TANGO6: variants seen among roughly 807,000 people sequenced by gnomAD.
TANGO6 encodes transport and golgi organization 6 homolog.
In TANGO6, 90 loss-of-function variants were observed where a neutral mutation model predicts 114.2. The observed-to-expected ratio is 0.79, with a 90% CI of 0.66 to 0.94. The LOEUF (loss-of-function observed/expected upper bound fraction) is 0.94. Among genes scored for constraint, TANGO6 ranks in the 40% least tolerant of loss-of-function variants. The pLI is 0.00. For missense variants in TANGO6, 1,274 were observed against 1,315.3 expected (o/e 0.97, Z 0.49); for synonymous variants, 477 against 509.8 (o/e 0.94, Z 0.87).
chr16:68,965,848 A>G (rs1169136439), intron 14 of TANGO6, among the ~76,000 whole-genome samples: 1 of 151,914 alleles, frequency 6.6e-6, no homozygotes, highest in Admixed American at 6.6e-5. Flanking sequence ...ATAAAAACCT[A>G]AAAGGGCAGA....
chr16:69,084,019 C>T lies in TANGO6; in HGVS notation c.*358C>T, dbSNP rs1454246107. On this transcript the variant is annotated 3_prime_UTR_variant, in exon 18 of 18. Coordinates refer to ENST00000261778, the MANE Select transcript of TANGO6 (RefSeq NM_024562.2). The stretch of plus-strand genomic sequence containing the variant: ...CACTCTCTTGGAACTTGAGGAGAAG[C>T]GGTTGGCCACCCATATGTCACCTAG... 2.4e-5 allele frequency: 4 copies of T among 169,098 alleles called. No homozygotes were observed. The highest frequency in any genetic ancestry group is 6.2e-5 in the Admixed American group (1 of 16,020). 10.5% of individuals were successfully genotyped at this position (169,098 alleles called of 1,614,324 possible).
At chr16:68,922,229 A>G (rs1162717931) in intron 12 of TANGO6, among the ~76,000 whole-genome samples, 1 of 151,632 alleles carries the variant, frequency 6.6e-6, no homozygotes, top group African/African-American at 2.4e-5. Flanking sequence ...GACAACAACA[A>G]CAAAAACAAA....
At chr16:68,993,949 C>G (rs1963968059) in intron 15 of TANGO6, among the ~76,000 whole-genome samples, 1 of 152,186 alleles carries the variant, frequency 6.6e-6, no homozygotes, top group Admixed American at 6.5e-5. Context: ...GCACACTTTT[C>G]AGGAGAACCA....
At chr16:68,944,418 C>CA (rs1963391785) in intron 14 of TANGO6, among the ~76,000 whole-genome samples, 1 of 152,176 alleles carries the variant, frequency 6.6e-6, no homozygotes, top group Non-Finnish European at 1.5e-5. Context: ...ACCCAGGCCT[C>CA]AACCTGGAGG....
At chr16:68,876,848 TAC>T (rs754248916) in intron 5 of TANGO6, among the ~76,000 whole-genome samples, 6 of 152,190 alleles carry the variant, frequency 3.9e-5, no homozygotes, top group Non-Finnish European at 7.4e-5. Flanking sequence ...AAACACAGTG[TAC>T]CTTGGAGATC....
intron 11 of TANGO6, 113 bp downstream of exon 11, chr16:68,909,515 G>C: frequency 9.7e-7 from 1 of 1,032,556 alleles, no homozygotes; most frequent in Non-Finnish European, 1.3e-6. Flanking sequence ...GGTGTTTCCT[G>C]GAATGCTGGT....
At chr16:68,919,595 A>T (rs185445955) in intron 12 of TANGO6, among the ~76,000 whole-genome samples, 1 of 152,320 alleles carries the variant, frequency 6.6e-6, no homozygotes, top group African/African-American at 2.4e-5. Context: ...CTGGTTGCAT[A>T]GGATCCATCT....
chr16:69,076,692 G>A (rs1960385009), intron 17 of TANGO6, among the ~76,000 whole-genome samples: 1 of 152,154 alleles, frequency 6.6e-6, no homozygotes, highest in African/African-American at 2.4e-5. Flanking sequence ...AAATGTAACA[G>A]CCATGCCTGC....
intron 7 of TANGO6, among the ~76,000 whole-genome samples, chr16:68,884,517 C>T (rs1438487209): frequency 1.3e-5 from 2 of 152,128 alleles, no homozygotes; most frequent in East Asian, 1.9e-4. Flanking sequence ...AATTAGCGAA[C>T]AGTGGCCTAC....
intron 14 of TANGO6, among the ~76,000 whole-genome samples, chr16:68,951,383 G>C (rs531983059): frequency 6.6e-6 from 1 of 152,034 alleles, no homozygotes; most frequent in South Asian, 2.1e-4. Context: ...AAGCAGTTCA[G>C]GTTGTTAGTG....
chr16:69,065,764 C>G (rs1002487812), intron 17 of TANGO6, among the ~76,000 whole-genome samples: 1 of 152,112 alleles, frequency 6.6e-6, no homozygotes, highest in Non-Finnish European at 1.5e-5. Context: ...ACTGACCGTC[C>G]TGACGCTTTC....
At chr16:68,881,593 CTACTT>C (rs1457325119) in intron 7 of TANGO6, among the ~76,000 whole-genome samples, 3 of 152,146 alleles carry the variant, frequency 2.0e-5, no homozygotes, top group African/African-American at 7.2e-5. Context: ...ATAATTGAAT[CTACTT>C]TATAACTTTT....
chr16:68,867,118 C>G lies in TANGO6; in HGVS notation c.892C>G (p.Pro298Ala). Residue 298 changes from proline to alanine, a missense_variant, in exon 4 of 18, where the codon CCA (proline) becomes GCA (alanine). Pro to Ala is a conservative substitution (Grantham distance 27, BLOSUM62 -1). Coordinates refer to ENST00000261778, the MANE Select transcript of TANGO6 (RefSeq NM_024562.2). ...DVKTQMRCRA[P>A]AWLRRLCGQL... The stretch of plus-strand genomic sequence containing the variant: ...GAAGACACAGATGAGGTGTCGGGCC[C>G]CAGCTTGGCTTCGGCGTCTATGTGG... 6.2e-7 allele frequency: 1 copy of G among 1,613,784 alleles called. No individual in the cohort carries two copies. The highest frequency in any genetic ancestry group is 8.5e-7 in the Non-Finnish European group (1 of 1,179,858).
At chr16:69,030,777 C>T (rs1308266022) in intron 16 of TANGO6, among the ~76,000 whole-genome samples, 1 of 151,938 alleles carries the variant, frequency 6.6e-6, no homozygotes, top group Non-Finnish European at 1.5e-5. Flanking sequence ...GAGGGCCGGG[C>T]GCGGTGGCTC....
rs145101689 is a variant in TANGO6, at chr16:68,945,078, T to C, written c.2701+14783T>C. On this transcript the variant is annotated intron_variant, in intron 14 of 17. Coordinates refer to ENST00000261778, the MANE Select transcript of TANGO6 (RefSeq NM_024562.2). Reference sequence around the variant, plus strand: ...ATCACTTGAACCCAGGAGGTAGAGGTTGCAGTGAGCTGAGATCAGGCCACT... The same window carrying C: ...ATCACTTGAACCCAGGAGGTAGAGGCTGCAGTGAGCTGAGATCAGGCCACT... Among the ~76,000 whole-genome samples the C allele has an allele frequency of 2.1e-3, 320 of 152,260 alleles. 8 individuals are homozygous for C. Among genetic ancestry groups the C allele is most frequent in the Admixed American group, 0.018 (273 of 15,290 alleles).
chr16:69,037,103 T>C (rs1397227755), intron 16 of TANGO6, among the ~76,000 whole-genome samples: 1 of 133,914 alleles, frequency 7.5e-6, no homozygotes, highest in Non-Finnish European at 1.5e-5. Context: ...GCTACTGCAC[T>C]CCAGCCTGGG....
chr16:68,868,492 AT>A (rs765054621), intron 4 of TANGO6, among the ~76,000 whole-genome samples: 7,628 of 93,788 alleles, frequency 0.081, 319 homozygotes, highest in African/African-American at 0.27. Context: ...CTATATTTCT[AT>A]TTTTTTTTTT....
At chr16:69,032,252 CATTCATTCATTT>C (rs1004604344) in intron 16 of TANGO6, among the ~76,000 whole-genome samples, 1 of 151,998 alleles carries the variant, frequency 6.6e-6, no homozygotes, top group Non-Finnish European at 1.5e-5. Context: ...TTCGTTCATT[CATTCATTCATTT>C]ATTCATTCAT....
intron 3 of TANGO6, among the ~76,000 whole-genome samples, chr16:68,866,441 G>A (rs1962178565): frequency 6.6e-6 from 1 of 150,886 alleles, no homozygotes; most frequent in South Asian, 2.1e-4. Context: ...GGCTAACAAG[G>A]TGAAACCCCA....
Sources: gnomAD v4.1 joint callset for allele counts (sites outside exome capture counted in the v4.1 genomes callset) on GRCh38, gnomAD v4.1.1 for gene constraint, MANE v1.5 for transcripts, NCBI Gene and HGNC (gene_info 2026-07-23, HGNC 2026-07-21) for gene names.